The following CNTN4 variants were observed in gnomAD, a reference collection of about 807,000 sequenced individuals.
CNTN4 encodes the protein contactin-4.
A neutral mutation model predicts 122.5 loss-of-function variants in CNTN4; 77 were observed. The observed-to-expected ratio is 0.63, with a 90% CI of 0.52 to 0.76. The LOEUF (loss-of-function observed/expected upper bound fraction) is 0.76, where lower values mean the gene tolerates loss of function less well. Ranked by LOEUF, CNTN4 falls within the 30% of genes least tolerant of loss-of-function variation. The pLI, the probability that CNTN4 is intolerant of heterozygous loss-of-function variation, is 0.00. For synonymous variants in CNTN4, 512 were observed against 447.0 expected, an observed-to-expected ratio of 1.15 and a Z score of -1.83; for missense variants, 1,256 against 1,259.1, an observed-to-expected ratio of 1.00 and a Z score of 0.04.
chr3:2,673,629 C>T (rs758370237), intron 4 of CNTN4, among the ~76,000 whole-genome samples: 5 of 152,108 alleles, frequency 3.3e-5, no homozygotes, highest in Non-Finnish European at 5.9e-5. Flanking sequence ...CAAGCTGCAC[C>T]TCACGGGTTC....
chr3:2,652,634 G>A (rs1363948916), intron 4 of CNTN4, among the ~76,000 whole-genome samples: 6 of 152,084 alleles, frequency 3.9e-5, no homozygotes, highest in African/African-American at 1.4e-4. Flanking sequence ...AGAAAACTCA[G>A]CAGGGGCCCA....
intron 6 of CNTN4, among the ~76,000 whole-genome samples, chr3:2,770,513 A>C (rs890300359): frequency 2.0e-5 from 3 of 152,204 alleles, no homozygotes; most frequent in African/African-American, 7.2e-5. Context: ...GTCTGGCTCT[A>C]CCAAAGAAAA....
intron 3 of CNTN4, among the ~76,000 whole-genome samples, chr3:2,529,984 A>G (rs2077536612): frequency 6.6e-6 from 1 of 152,146 alleles, no homozygotes; most frequent in Admixed American, 6.5e-5. Context: ...GAAAATAAAA[A>G]AGTGAAAATG....
intron 2 of CNTN4, among the ~76,000 whole-genome samples, chr3:2,333,530 G>T (rs868061503): frequency 1.2e-4 from 18 of 152,290 alleles, no homozygotes; most frequent in Middle Eastern, 6.8e-3. Context: ...CCCAATGAAA[G>T]TCCCAAGGAT....
intron 23 of CNTN4, among the ~76,000 whole-genome samples, chr3:3,053,110 CTGCAACGTCTGCCTCCCGGG>C (rs1701426552): frequency 6.6e-6 from 1 of 152,242 alleles, no homozygotes; most frequent in South Asian, 2.1e-4. Context: ...TCTCGGCTCA[CTGCAACGTCTGCCTCCCGGG>C]TGCAAGCAAT....
intron 17 of CNTN4, among the ~76,000 whole-genome samples, chr3:3,036,628 A>G (rs1699631164): frequency 1.3e-5 from 2 of 151,428 alleles, no homozygotes; most frequent in African/African-American, 4.8e-5. Flanking sequence ...ATAGACAGGC[A>G]TAGTGGCATG....
Position 3,030,229 on chromosome 3 carries a change from C to T in CNTN4, c.1663-626C>T, listed in dbSNP as rs191410459. Reference sequence around the variant, plus strand: ...GAATGCTGGAGAAATATTTCTGGGGCGCATAGACATCCAAACCAGGATGTA... The same window carrying T: ...GAATGCTGGAGAAATATTTCTGGGGTGCATAGACATCCAAACCAGGATGTA... On this transcript the variant is annotated intron_variant, in intron 15 of 24. Coordinates refer to ENST00000418658, the MANE Select transcript of CNTN4 (RefSeq NM_175607.3). 2.1e-3 allele frequency among the ~76,000 whole-genome samples: 315 copies of T among 152,128 alleles called. 1 individual carries two copies. The highest frequency in any genetic ancestry group is 7.3e-3 in the African/African-American group (303 of 41,498).
At chr3:2,167,233 T>C (rs1393855762) in intron 2 of CNTN4, among the ~76,000 whole-genome samples, 1 of 152,162 alleles carries the variant, frequency 6.6e-6, no homozygotes, top group Non-Finnish European at 1.5e-5. Context: ...TTCACTATTA[T>C]ATCTGCAGCT....
At chr3:2,677,633 A>G (rs1042512028) in intron 4 of CNTN4, among the ~76,000 whole-genome samples, 3 of 152,098 alleles carry the variant, frequency 2.0e-5, no homozygotes, top group Non-Finnish European at 4.4e-5. Context: ...ATCAAACAGC[A>G]TGGTTCATTG....
intron 3 of CNTN4, among the ~76,000 whole-genome samples, chr3:2,374,307 C>T (rs567936770): frequency 6.6e-6 from 1 of 152,178 alleles, no homozygotes; most frequent in East Asian, 1.9e-4. Context: ...GGTTACCCAG[C>T]TCCCTTAAAA....
chr3:2,809,378 T>G (rs995162002), intron 6 of CNTN4, among the ~76,000 whole-genome samples: 1 of 152,190 alleles, frequency 6.6e-6, no homozygotes, highest in Non-Finnish European at 1.5e-5. Flanking sequence ...GAGACTGGGT[T>G]AGCTGCAAGG....
chr3:2,481,055 TTCTTTCTCTCTTTCTCTCTTTCTC>T (rs1553663018), intron 3 of CNTN4, among the ~76,000 whole-genome samples: 1 of 134,798 alleles, frequency 7.4e-6, no homozygotes, highest in African/African-American at 2.9e-5. Context: ...CTTTCTTTCT[TTCTTTCTCTCTTTCTCTCTTTCTC>T]TCTTTCTCTC....
At position 2,699,280 on chromosome 3, in the gene CNTN4, T is replaced by C. The variant is rs2086224568; in HGVS notation, c.56-36935T>C. 2.0e-5 allele frequency among the ~76,000 whole-genome samples: 3 copies of C among 152,114 alleles called. 1 individual carries two copies. In the South Asian group the frequency reaches 6.2e-4, roughly 32 times the overall value. ...TTTGCAGGAGGACATGTCTGATGTG[T>C]TTTTGTGATGGTTTCACATCTGACA... is the stretch of plus-strand genomic sequence containing the variant. On this transcript the variant is annotated intron_variant, in intron 4 of 24. Coordinates refer to ENST00000418658, the MANE Select transcript of CNTN4 (RefSeq NM_175607.3).
At chr3:2,156,356 T>C (rs978045990) in intron 2 of CNTN4, among the ~76,000 whole-genome samples, 1 of 152,050 alleles carries the variant, frequency 6.6e-6, no homozygotes, top group African/African-American at 2.4e-5. Context: ...CCATGTGGGG[T>C]CTGTGCATAA....
intron 14 of CNTN4, among the ~76,000 whole-genome samples, chr3:3,008,441 G>GA (rs1696862815): frequency 6.6e-6 from 1 of 152,148 alleles, no homozygotes; most frequent in Non-Finnish European, 1.5e-5. Flanking sequence ...CATTTACACT[G>GA]AAAAAACTGT....
intron 3 of CNTN4, among the ~76,000 whole-genome samples, chr3:2,381,166 C>T (rs1253415684): frequency 5.9e-5 from 9 of 152,092 alleles, no homozygotes; most frequent in Non-Finnish European, 1.0e-4. Context: ...CCACCACACC[C>T]GGCTAATTTT....
chr3:2,264,134 A>G (rs1010098216), intron 2 of CNTN4, among the ~76,000 whole-genome samples: 1 of 152,152 alleles, frequency 6.6e-6, no homozygotes, highest in African/African-American at 2.4e-5. Flanking sequence ...TACACCTAGC[A>G]GTGACATTGC....
At chr3:2,571,352 A>G in intron 3 of CNTN4, 64 bp from the exon 4 acceptor site, 1 of 684,954 alleles carries the variant, frequency 1.5e-6, no homozygotes, top group Non-Finnish European at 2.7e-6. Flanking sequence ...GTAAAGATAA[A>G]CTTGCAGAGA....
At chr3:2,143,478 A>T (rs943238344) in intron 2 of CNTN4, among the ~76,000 whole-genome samples, 1 of 152,178 alleles carries the variant, frequency 6.6e-6, no homozygotes, top group Non-Finnish European at 1.5e-5. Flanking sequence ...TATTCTCCTG[A>T]GAAGGAGGTG....
Sources: allele counts gnomAD v4.1 joint callset (sites outside exome capture counted in the v4.1 genomes callset), GRCh38; gene constraint gnomAD v4.1.1; transcripts MANE v1.5; gene names NCBI Gene and HGNC (gene_info 2026-07-23, HGNC 2026-07-21).